Variants in RNF40 observed in about 807,000 individuals in gnomAD.
RNF40 encodes ring finger protein 40.
Under a neutral mutation model 123.3 loss-of-function variants are expected in RNF40, and 39 were observed. That is an observed-to-expected ratio of 0.32 (90% confidence interval 0.24 to 0.41). RNF40 has a LOEUF of 0.41. Ranked by LOEUF, RNF40 falls within the 10% of genes least tolerant of loss-of-function variation. The pLI is 1.00. For synonymous variants in RNF40, 538 were observed against 526.0 expected, an observed-to-expected ratio of 1.02 and a Z score of -0.31; for missense variants, 1,003 against 1,319.9, an observed-to-expected ratio of 0.76 and a Z score of 3.72.
chr16:30,765,169 C>G lies in RNF40; in HGVS notation c.772-12C>G. ...TCCCCCATCCAAGCATCTGCTCCCT[C>G]ATTGTTCCCAGTACTCCGAGCTCCA... On this transcript the variant is annotated splice_polypyrimidine_tract_variant and intron_variant, in intron 6 of 19. Transcript: ENST00000324685. The G allele has an allele frequency of 1.9e-6, 3 of 1,613,888 alleles. No homozygotes were observed. Among genetic ancestry groups the G allele is most frequent in the Non-Finnish European group, 2.5e-6 (3 of 1,179,790 alleles).
chr16:30,766,571 A>G lies in RNF40; in HGVS notation c.1293+13A>G. On this transcript the variant is annotated intron_variant, in intron 10 of 19. Transcript: ENST00000324685. This position sits in a 1 kb window ranked among gnomAD's most constrained non-coding sequence, Gnocchi z 5.4. ...CGAGCACATGGAGGTATGGCCCTGGAACAGGCGTTAGGGCTGGGCTAAGGG... is the reference window on the plus strand; with the variant it reads ...CGAGCACATGGAGGTATGGCCCTGGGACAGGCGTTAGGGCTGGGCTAAGGG... 1 of 1,601,896 alleles carries G rather than the reference A, an allele frequency of 6.2e-7. No individual in the cohort carries two copies.
chr16:30,769,157 TC>T, intron 15 of RNF40, 28 bp from the exon 16 acceptor site: 1 of 1,611,690 alleles, frequency 6.2e-7, no homozygotes. Context: ...CTTCCCACGT[TC>T]CATCTTGTCT....
Position 30,769,566 on chromosome 16 carries a change from T to C in RNF40, c.2552T>C (p.Leu851Pro). 1.9e-6 allele frequency: 3 copies of C among 1,606,284 alleles called. No individual in the cohort carries two copies. Among genetic ancestry groups the C allele is most frequent in the Non-Finnish European group, 1.7e-6 (2 of 1,176,310 alleles). ...SLGGVEKELT[L>P]RSQALELNKR... ...GGGGGTGTGGAGAAGGAGCTGACGC[T>C]GCGCAGCCAAGCCCTGGAGCTCAAC... The change falls in exon 17 of 20, where the codon CTG becomes CCG. Residue 851 changes from leucine (L) to proline (P), a missense_variant. By Grantham distance (98) the Leu-to-Pro change is moderately conservative. Coordinates refer to ENST00000324685, the MANE Select transcript of RNF40 (RefSeq NM_014771.4).
Position 30,766,222 on chromosome 16 carries a change from A to G in RNF40, c.1053A>G (p.Ala351=), listed in dbSNP as rs1475731870. ...ENQELANSRM[A]ELEKLQAELQ... ...AGGAACTGGCCAACAGCCGTATGGC[A>G]GAGCTGGAGAAACTGCAGGCCGAAC... The change falls in exon 9 of 20, where the codon GCA becomes GCG. Residue 351 remains alanine (A), a synonymous_variant. Coordinates refer to ENST00000324685, the MANE Select transcript of RNF40 (RefSeq NM_014771.4). The surrounding 1 kb of genome is among the most constrained non-coding windows in gnomAD (Gnocchi z 5.4). 6.2e-7 allele frequency: 1 copy of G among 1,614,202 alleles called. No homozygotes were observed. Among genetic ancestry groups the G allele is most frequent in the South Asian group, 1.1e-5 (1 of 91,090 alleles).
intron 11 of RNF40, among the ~76,000 whole-genome samples, chr16:30,767,499 TAAAAAAAA>T (rs879532090): frequency 7.3e-6 from 1 of 137,556 alleles, no homozygotes; most frequent in Non-Finnish European, 1.6e-5. Context: ...ATTGGATGTA[TAAAAAAAA>T]AAAAGAAAAA....
intron 3 of RNF40, 45 bp downstream of exon 3, chr16:30,763,330 C>G: frequency 6.2e-7 from 1 of 1,610,066 alleles, no homozygotes; most frequent in South Asian, 1.1e-5. Flanking sequence ...ATTCAGCTGC[C>G]AATCCCCAGA....
chr16:30,769,851 A>G (rs1437524928), intron 17 of RNF40, among the ~76,000 whole-genome samples: 1 of 152,182 alleles, frequency 6.6e-6, no homozygotes, highest in Non-Finnish European at 1.5e-5. Context: ...TGATCCCAAC[A>G]CTTTGGGAAA....
At chr16:30,762,783 T>C (rs983468784) in intron 2 of RNF40, 106 bp downstream of exon 2, 9 of 1,428,156 alleles carry the variant, frequency 6.3e-6, no homozygotes, top group South Asian at 6.2e-5. Context: ...TTTAGCAAGG[T>C]CCGCGTTACA....
chr16:30,762,375 G>C lies in RNF40; in HGVS notation c.-72+15G>C. 1 of 669,780 alleles carries C rather than the reference G, an allele frequency of 1.5e-6. No homozygotes were observed. The highest frequency in any genetic ancestry group is 2.3e-6 in the Non-Finnish European group (1 of 432,948). 41.5% of individuals were successfully genotyped at this position (669,780 alleles called of 1,614,324 possible). The stretch of plus-strand genomic sequence containing the variant: ...CCCTCCTGCTGGTGAGGGCTCTGGC[G>C]CCGGGGGGGACGGGATCCAGCAGGT... On this transcript the variant is annotated intron_variant, in intron 1 of 19. Transcript: ENST00000324685.
chr16:30,766,370 C>T lies in RNF40; in HGVS notation c.1114-9C>T. 6.2e-7 allele frequency: 1 copy of T among 1,612,424 alleles called. No individual in the cohort carries two copies. Among genetic ancestry groups the T allele is most frequent in the Non-Finnish European group, 8.5e-7 (1 of 1,178,744 alleles). ...TGTTGCTGATCCCATTTGGGCATCC[C>T]TGCCCCAGGTGGCCCTGCGGAGCCT... On this transcript the variant is annotated splice_polypyrimidine_tract_variant and intron_variant, in intron 9 of 19. Coordinates refer to ENST00000324685, the MANE Select transcript of RNF40 (RefSeq NM_014771.4). The surrounding 1 kb of genome is among the most constrained non-coding windows in gnomAD (Gnocchi z 5.4).
At position 30,774,097 on chromosome 16, in the gene RNF40, C is replaced by T. The variant is rs2054194119; in HGVS notation, c.2989C>T (p.Arg997Cys). Residue 997 changes from arginine (R) to cysteine (C), a missense_variant, in exon 20 of 20, where the codon CGT becomes TGT. Transcript: ENST00000324685. ...NAAFGAHDFH[R>C]IYIS ...GGCCTTTGGTGCCCACGACTTCCAT[C>T]GTATCTACATCAGCTGAACCTGAAA... 1 of 1,613,372 alleles carries T rather than the reference C, an allele frequency of 6.2e-7. No individual in the cohort carries two copies.
upstream of RNF40, chr16:30,761,838 G>A (rs1166244955): frequency 1.6e-6 from 2 of 1,262,692 alleles, no homozygotes; most frequent in Admixed American, 2.7e-5. Context: ...TACCAAGGCC[G>A]GGCCCGTTCG....
chr16:30,770,056 C>T (rs1004532778), intron 17 of RNF40, among the ~76,000 whole-genome samples: 11 of 150,136 alleles, frequency 7.3e-5, no homozygotes, highest in African/African-American at 9.8e-5. Context: ...GAGCTATGAT[C>T]GCACTGCACT....
Position 30,774,754 on chromosome 16 carries a change from G to C in RNF40, c.*640G>C, listed in dbSNP as rs1278987759. 3.8e-5 allele frequency: 13 copies of C among 345,926 alleles called. No individual in the cohort carries two copies. Among genetic ancestry groups the C allele is most frequent in the Non-Finnish European group, 7.5e-5 (13 of 174,278 alleles). 21.4% of individuals were successfully genotyped at this position (345,926 alleles called of 1,614,324 possible). A position where few individuals can be genotyped will look rare whatever the true frequency, so the allele number is the denominator to read the frequency against. On this transcript the variant is annotated 3_prime_UTR_variant, in exon 20 of 20. Transcript: ENST00000324685. ...TTGCTGCAGTCACCTTCCTCATCTT[G>C]CAGGTGCTGAACCAACATCATCAGT...
In RNF40 at chr16:30,774,778, GTTTC is replaced by G. The variant is rs2054204815; in HGVS notation, c.*666_*669del. 1 of 354,528 alleles carries G rather than the reference GTTTC, an allele frequency of 2.8e-6. No individual in the cohort carries two copies. 22.0% of individuals were successfully genotyped at this position (354,528 alleles called of 1,614,324 possible). ...TGCAGGTGCTGAACCAACATCATCAGTTTCTATTCTAATCAGGCCCCTTCCCAAT... is the reference window on the plus strand; with the variant it reads ...TGCAGGTGCTGAACCAACATCATCAGTATTCTAATCAGGCCCCTTCCCAAT... On this transcript the variant is annotated 3_prime_UTR_variant, in exon 20 of 20. Coordinates refer to ENST00000324685, the MANE Select transcript of RNF40 (RefSeq NM_014771.4).
At chr16:30,764,073 G>C in intron 4 of RNF40, 106 bp from the exon 5 acceptor site, 1 of 836,100 alleles carries the variant, frequency 1.2e-6, no homozygotes, top group Non-Finnish European at 1.9e-6. Context: ...TATAGGTTGT[G>C]TTGATTAAGT....
Position 30,774,198 on chromosome 16 carries a change from C to A in RNF40, c.*84C>A. ...CTCCCCACCCCAGGTCTAGTGGCCCCACCCTCCATTCCGGACCCCATGGGC... is the reference window on the plus strand; with the variant it reads ...CTCCCCACCCCAGGTCTAGTGGCCCAACCCTCCATTCCGGACCCCATGGGC... On this transcript the variant is annotated 3_prime_UTR_variant, in exon 20 of 20. Transcript: ENST00000324685. 7.0e-7 allele frequency: 1 copy of A among 1,430,238 alleles called. No individual in the cohort carries two copies. The highest frequency in any genetic ancestry group is 9.4e-7 in the Non-Finnish European group (1 of 1,059,234). The allele number at this position is 1,430,238 out of a possible 1,614,324, so 88.6% of individuals were successfully genotyped here.
At position 30,764,337 on chromosome 16, in the gene RNF40, C is replaced by T. The variant is rs370199075; in HGVS notation, c.601C>T (p.Arg201Cys). 2.4e-5 allele frequency: 38 copies of T among 1,613,688 alleles called. No homozygotes were observed. The highest frequency in any genetic ancestry group is 3.3e-5 in the South Asian group (3 of 91,038). Residue 201 changes from arginine to cysteine, a missense_variant, in exon 5 of 20, where the codon CGC becomes TGC. Physicochemically the swap from Arg to Cys is radical, Grantham distance 180. Around this residue, in one of 11 missense-constraint regions of RNF40, gnomAD observed 274 missense variants for 356.9 expected, o/e 0.77. Coordinates refer to ENST00000324685, the MANE Select transcript of RNF40 (RefSeq NM_014771.4). ...AVSRVVEASDRLQRRVEELCQ... is the reference protein window; with the variant it reads ...AVSRVVEASDCLQRRVEELCQ... ...GTCTCGTGTGGTAGAGGCCTCAGAC[C>T]GCCTACAGCGCCGGGTGGAGGAACT... is the stretch of plus-strand genomic sequence containing the variant.
At position 30,768,438 on chromosome 16, in the gene RNF40, C is replaced by T. The variant is rs368718461; in HGVS notation, c.1887C>T (p.Ser629=). ...GCCTAGGACCTCCACCTGTAGCCTC[C>T]GCTCTCTCAAGGGCTGATCGGGAGA... ...GPSLGPPPVA[S]ALSRADREKA... is the part of the protein sequence containing the mutation. The change falls in exon 13 of 20, where the codon TCC becomes TCT. Residue 629 remains serine, a synonymous_variant. Coordinates refer to ENST00000324685, the MANE Select transcript of RNF40 (RefSeq NM_014771.4). This position sits in a 1 kb window ranked among gnomAD's most constrained non-coding sequence, Gnocchi z 4.1. 40 of 1,613,342 alleles carry T rather than the reference C, an allele frequency of 2.5e-5. No individual in the cohort carries two copies. The African/African-American group carries it at 3.2e-4, about 13-fold the overall frequency.
Sources: allele counts gnomAD v4.1 joint callset (sites outside exome capture counted in the v4.1 genomes callset), GRCh38; gene constraint gnomAD v4.1.1; regional missense constraint gnomAD v4.1.1; non-coding constraint Gnocchi (gnomAD v3.1); transcripts MANE v1.5; gene names NCBI Gene and HGNC (gene_info 2026-07-23, HGNC 2026-07-21).